Variants in RALY observed in about 807,000 individuals in gnomAD.
The protein encoded by RALY is RNA-binding protein Raly.
Under a neutral mutation model 30.7 loss-of-function variants are expected in RALY, and 15 were observed. The observed-to-expected ratio is 0.49, with a 90% CI of 0.33 to 0.75. The LOEUF (loss-of-function observed/expected upper bound fraction) is 0.75, where lower values mean the gene tolerates loss of function less well. Ranked by LOEUF, RALY falls within the 30% of genes least tolerant of loss-of-function variation. RALY has a pLI of 0.02. For missense variants in RALY, 339 were observed against 414.3 expected (o/e 0.82, Z 1.58); for synonymous variants, 177 against 170.8 (o/e 1.04, Z -0.28).
At chr20:34,026,570 ATTT>A (rs10712711) in intron 1 of RALY, among the ~76,000 whole-genome samples, 1 of 147,652 alleles carries the variant, frequency 6.8e-6, no homozygotes. Flanking sequence ...TGCCCAGCTA[ATTT>A]TTTTTTTTTT....
intron 1 of RALY, among the ~76,000 whole-genome samples, chr20:34,024,845 A>C (rs7261069): frequency 0.041 from 6,180 of 152,282 alleles, 183 homozygotes; most frequent in Non-Finnish European, 0.062. Context: ...AGAGCCAGTC[A>C]CAAGAGTCAA....
At chr20:34,047,011 G>A (rs761604294) in intron 2 of RALY, among the ~76,000 whole-genome samples, 44 of 151,866 alleles carry the variant, frequency 2.9e-4, no homozygotes, top group Non-Finnish European at 5.4e-4. Context: ...TAGAGATGGG[G>A]TTTCTCCATG....
chr20:34,051,392 T>G (rs1190376142), intron 2 of RALY, among the ~76,000 whole-genome samples: 2 of 152,206 alleles, frequency 1.3e-5, no homozygotes, highest in Non-Finnish European at 2.9e-5. Context: ...GGCAAGTTAC[T>G]TGGCCTCTCT....
At chr20:33,995,671 G>A (rs1432606601) in intron 1 of RALY, among the ~76,000 whole-genome samples, 1 of 152,114 alleles carries the variant, frequency 6.6e-6, no homozygotes, top group East Asian at 1.9e-4. Context: ...CTGGATTTAC[G>A]AGTCCTATGT....
chr20:34,015,857 A>G (rs1423494215), intron 1 of RALY, among the ~76,000 whole-genome samples: 1 of 152,084 alleles, frequency 6.6e-6, no homozygotes, highest in Non-Finnish European at 1.5e-5. Flanking sequence ...ACACACACAC[A>G]CACACACAAT....
At chr20:34,017,004 A>G (rs2031631767) in intron 1 of RALY, among the ~76,000 whole-genome samples, 1 of 145,324 alleles carries the variant, frequency 6.9e-6, no homozygotes, top group Non-Finnish European at 1.5e-5. Flanking sequence ...ACACTTGTCA[A>G]TACAACAGTT....
At chr20:34,055,769 A>G (rs1198088896) in intron 2 of RALY, among the ~76,000 whole-genome samples, 2 of 152,222 alleles carry the variant, frequency 1.3e-5, no homozygotes, top group Non-Finnish European at 2.9e-5. Context: ...AAACTTGTTA[A>G]TATCTTTGAC....
chr20:34,037,631 A>G (rs991146652), intron 2 of RALY, among the ~76,000 whole-genome samples: 3 of 152,202 alleles, frequency 2.0e-5, no homozygotes, highest in Non-Finnish European at 4.4e-5. Flanking sequence ...TAAACAAGGA[A>G]TAATAGTTTC....
chr20:34,066,518 C>T (rs754229970), intron 2 of RALY, among the ~76,000 whole-genome samples: 2 of 152,080 alleles, frequency 1.3e-5, no homozygotes, highest in African/African-American at 2.4e-5. Flanking sequence ...TCACTGTGTT[C>T]GCACATGATA....
intron 2 of RALY, among the ~76,000 whole-genome samples, chr20:34,062,094 C>G (rs1179034336): frequency 6.6e-6 from 1 of 152,098 alleles, no homozygotes; most frequent in African/African-American, 2.4e-5. Context: ...TTATTCATCT[C>G]TGGTTCCACA....
At chr20:34,076,068 A>C in intron 6 of RALY, 28 bp downstream of exon 6, 1 of 1,584,296 alleles carries the variant, frequency 6.3e-7, no homozygotes. Context: ...ATTCCTAAGT[A>C]ATTTGCATTT....
intron 1 of RALY, among the ~76,000 whole-genome samples, chr20:34,030,621 T>C (rs2032231094): frequency 1.3e-5 from 2 of 152,242 alleles, no homozygotes; most frequent in Non-Finnish European, 2.9e-5. Flanking sequence ...CCAGAAGACC[T>C]GAGTTTGACT....
At chr20:34,038,050 T>C (rs544087113) in intron 2 of RALY, among the ~76,000 whole-genome samples, 1 of 152,348 alleles carries the variant, frequency 6.6e-6, no homozygotes, top group South Asian at 2.1e-4. Flanking sequence ...TGAGGATTGC[T>C]GTCATAGCAA....
At chr20:34,051,890 C>T (rs934027339) in intron 2 of RALY, among the ~76,000 whole-genome samples, 1 of 152,174 alleles carries the variant, frequency 6.6e-6, no homozygotes, top group African/African-American at 2.4e-5. Flanking sequence ...CAGGCGTGAG[C>T]CACTGCGCCC....
At chr20:34,064,811 C>T (rs1257947258) in intron 2 of RALY, among the ~76,000 whole-genome samples, 1 of 152,180 alleles carries the variant, frequency 6.6e-6, no homozygotes, top group Non-Finnish European at 1.5e-5. Context: ...TATACTAGCA[C>T]TTTACTCATA....
intron 2 of RALY, chr20:34,033,158 G>C (rs2032348650): frequency 6.6e-6 from 1 of 152,258 alleles, no homozygotes; most frequent in Non-Finnish European, 1.5e-5. Context: ...ATGTGCCCTT[G>C]GACAGTCTTC....
At chr20:34,042,916 A>T (rs911633890) in intron 2 of RALY, among the ~76,000 whole-genome samples, 9 of 152,242 alleles carry the variant, frequency 5.9e-5, no homozygotes, top group African/African-American at 1.9e-4. Flanking sequence ...GTCTAACATG[A>T]CTTTTAAGTG....
At chr20:34,037,929 G>A (rs1568671628) in intron 2 of RALY, among the ~76,000 whole-genome samples, 1 of 152,152 alleles carries the variant, frequency 6.6e-6, no homozygotes, top group Non-Finnish European at 1.5e-5. Context: ...GGGTATCTGT[G>A]GGGGAGGCTG....
chr20:34,012,999 T>C (rs1188212538), intron 1 of RALY, among the ~76,000 whole-genome samples: 1 of 152,244 alleles, frequency 6.6e-6, no homozygotes, highest in Non-Finnish European at 1.5e-5. Flanking sequence ...CTTGGACTAC[T>C]CATACAGCTA....
Sources: gnomAD v4.1 joint callset for allele counts (sites outside exome capture counted in the v4.1 genomes callset) on GRCh38, gnomAD v4.1.1 for gene constraint, MANE v1.5 for transcripts, NCBI Gene and HGNC (gene_info 2026-07-23, HGNC 2026-07-21) for gene names.